Variants in SMG9 observed in about 807,000 individuals in gnomAD.
The protein encoded by SMG9 is SMG9 nonsense mediated mRNA decay factor, also known as nonsense-mediated mRNA decay factor SMG9.
A neutral mutation model predicts 64.0 loss-of-function variants in SMG9; 55 were observed. The ratio of observed to expected loss-of-function variants is 0.86; its 90% CI spans 0.69 to 1.08. The LOEUF is 1.08. SMG9 is among the 50% of genes least tolerant of loss of function. The pLI is 0.00. For missense variants in SMG9, 554 were observed against 681.3 expected (o/e 0.81, Z 2.08); for synonymous variants, 244 against 254.8 (o/e 0.96, Z 0.41).
intron 7 of SMG9, 119 bp downstream of exon 7, chr19:43,739,988 T>C: frequency 1.3e-6 from 1 of 761,420 alleles, no homozygotes; most frequent in South Asian, 1.5e-5. Flanking sequence ...GCAGCCAGTA[T>C]GTCCATGGCT....
rs372135078 is a variant in SMG9 at position 43,748,019 on chromosome 19, G to A, written c.184C>T (p.Gln62Ter). 1.9e-6 allele frequency: 3 copies of A among 1,613,064 alleles called. No individual in the cohort carries two copies. The highest frequency in any genetic ancestry group is 1.3e-5 in the African/African-American group (1 of 74,882). ...ASEETSTSVM[Q>*]KTPIILSKPP... ...TTTGAGAGGATGATGGGGGTTTTCT[G>A]CATGACGGAAGTGCTTGTCTCTTCG... The change falls in exon 3 of 14, where the codon CAG (glutamine) becomes TAG (stop). Residue 62 changes from glutamine to a stop codon, truncating the protein, a stop_gained. Transcript: ENST00000270066. LOFTEE classifies it high-confidence loss of function.
In SMG9 at chr19:43,731,428, T is replaced by C; in HGVS notation, c.*168A>G. ...CCCCCGGAACAGCCCCAACTGAGGG[T>C]GGGGGGCCTGGCCCTGGACACCTCA... On this transcript the variant is annotated 3_prime_UTR_variant, in exon 14 of 14. Transcript: ENST00000270066. 1 of 1,432,218 alleles carries C rather than the reference T, an allele frequency of 7.0e-7. No individual in the cohort carries two copies. The highest frequency in any genetic ancestry group is 9.2e-7 in the Non-Finnish European group (1 of 1,091,230). The allele number at this position is 1,432,218 out of a possible 1,614,324, so 88.7% of individuals were successfully genotyped here. A position where few individuals can be genotyped will look rare whatever the true frequency, so the allele number is the denominator to read the frequency against.
At chr19:43,742,894 C>T (rs538955451) in intron 6 of SMG9, among the ~76,000 whole-genome samples, 1 of 152,086 alleles carries the variant, frequency 6.6e-6, no homozygotes, top group South Asian at 2.1e-4. Context: ...TCAAGACCAG[C>T]CTGGTAAACA....
intron 1 of SMG9, 82 bp downstream of exon 1, chr19:43,754,572 G>A (rs2146421978): frequency 6.6e-6 from 1 of 152,220 alleles, no homozygotes; most frequent in Middle Eastern, 3.4e-3. Flanking sequence ...ACCTTTCAAT[G>A]GCCAAGGCGG....
chr19:43,742,265 T>C (rs147440558), intron 6 of SMG9, among the ~76,000 whole-genome samples: 18 of 152,158 alleles, frequency 1.2e-4, no homozygotes, highest in African/African-American at 4.3e-4. Context: ...AGTGAGATCC[T>C]GTCTCTACAA....
chr19:43,735,833 G>A (rs1234084611), intron 9 of SMG9, among the ~76,000 whole-genome samples: 1 of 152,184 alleles, frequency 6.6e-6, no homozygotes, highest in Non-Finnish European at 1.5e-5. Context: ...AAGCCCACCT[G>A]TAGACAAGAC....
In SMG9 at chr19:43,730,505, T is replaced by C. The variant is rs901440465; in HGVS notation, c.*1091A>G. On this transcript the variant is annotated 3_prime_UTR_variant, in exon 14 of 14. Transcript: ENST00000270066. Reference sequence around the variant, plus strand: ...GTACGGGTGAGGCATGGTATTTGGATTAAGGGTAAGTACTTACTACATTTA... The same window carrying C: ...GTACGGGTGAGGCATGGTATTTGGACTAAGGGTAAGTACTTACTACATTTA... The C allele has an allele frequency of 1.3e-5, 2 of 151,954 alleles. No individual in the cohort carries two copies. Among genetic ancestry groups the C allele is most frequent in the Non-Finnish European group, 2.9e-5 (2 of 68,012 alleles). The allele number at this position is 151,954 out of a possible 1,614,324, so 9.4% of individuals were successfully genotyped here. A position where few individuals can be genotyped will look rare whatever the true frequency, so the allele number is the denominator to read the frequency against.
intron 1 of SMG9, among the ~76,000 whole-genome samples, chr19:43,753,458 CTTTT>C (rs745479932): frequency 2.6e-4 from 31 of 118,592 alleles, no homozygotes; most frequent in African/African-American, 5.3e-4. Context: ...GAATGCTTTT[CTTTT>C]TTTTTTTTTT....
At position 43,747,758 on chromosome 19, in the gene SMG9, G is replaced by T; in HGVS notation, c.365C>A (p.Thr122Asn). 6.2e-7 allele frequency: 1 copy of T among 1,609,234 alleles called. No homozygotes were observed. The highest frequency in any genetic ancestry group is 1.3e-5 in the African/African-American group (1 of 75,026). Residue 122 changes from threonine (T) to asparagine (N), a missense_variant, in exon 4 of 14, where the codon ACC becomes AAC. Thr to Asn is a moderately conservative substitution (Grantham distance 65). Transcript: ENST00000270066. Reference sequence around the variant, plus strand: ...AGGGGCTGCAGGGGGTGGTGGGGCGGTGCCCTCAGGGGTAGAGGCACCTGT... The same window carrying T: ...AGGGGCTGCAGGGGGTGGTGGGGCGTTGCCCTCAGGGGTAGAGGCACCTGT... The part of the protein sequence containing the change: ...AVTGASTPEG[T>N]APPPPAAPAP...
In SMG9 at chr19:43,744,772, C is replaced by T. The variant is rs761201735; in HGVS notation, c.701G>A (p.Arg234Lys). Residue 234 changes from arginine to lysine, a missense_variant and splice_region_variant, in exon 6 of 14, where the codon AGG becomes AAG. Physicochemically the swap from Arg to Lys is conservative, Grantham distance 26. Coordinates refer to ENST00000270066, the MANE Select transcript of SMG9 (RefSeq NM_019108.4). ...TGCACCCTATCTGATAGCCCCTCAC[C>T]TCTGGTCCTCCTCTGGAGTGTTGGC... ...LSANTPEEDQ[R>K]TYVFRAQSAE... is the part of the protein sequence containing the mutation. The T allele has an allele frequency of 1.2e-6, 2 of 1,612,498 alleles. No individual in the cohort carries two copies. Among genetic ancestry groups the T allele is most frequent in the East Asian group, 2.2e-5 (1 of 44,810 alleles).
At chr19:43,749,071 G>A (rs983542343) in intron 2 of SMG9, among the ~76,000 whole-genome samples, 1 of 152,196 alleles carries the variant, frequency 6.6e-6, no homozygotes, top group Non-Finnish European at 1.5e-5. Context: ...CATTTGCAAG[G>A]CTCCAATAAA....
chr19:43,734,782 C>T (rs1490200290), intron 9 of SMG9: 3 of 284,128 alleles, frequency 1.1e-5, no homozygotes, highest in Non-Finnish European at 2.0e-5. Flanking sequence ...GCAGAAAGCA[C>T]GTAGCGTTCC....
At chr19:43,749,447 G>A (rs1389883917) in intron 2 of SMG9, among the ~76,000 whole-genome samples, 1 of 152,192 alleles carries the variant, frequency 6.6e-6, no homozygotes, top group Non-Finnish European at 1.5e-5. Context: ...TTTAGGAGGT[G>A]CTTGTTCAAG....
intron 7 of SMG9, among the ~76,000 whole-genome samples, chr19:43,738,808 T>C (rs1968755084): frequency 6.6e-6 from 1 of 152,242 alleles, no homozygotes; most frequent in Non-Finnish European, 1.5e-5. Context: ...CAGTGCTCTA[T>C]TCTGTCTTGT....
chr19:43,743,770 T>G (rs779224338), intron 6 of SMG9, among the ~76,000 whole-genome samples: 2 of 152,218 alleles, frequency 1.3e-5, no homozygotes, highest in Non-Finnish European at 2.9e-5. Flanking sequence ...CACTTGAGCC[T>G]GGGTGAAAGA....
chr19:43,745,127 A>C (rs1968960962), intron 5 of SMG9, among the ~76,000 whole-genome samples: 1 of 152,254 alleles, frequency 6.6e-6, no homozygotes, highest in Admixed American at 6.5e-5. Flanking sequence ...AAAAGAGCCT[A>C]GCATGGTCAA....
chr19:43,753,872 G>A lies in SMG9; in HGVS notation c.-7+782C>T, dbSNP rs187870654. ...GGAGGATACAGTGAGCCGAGATCGT[G>A]CCACTGCACTCCAGCCTGGGCGACA... On this transcript the variant is annotated intron_variant, in intron 1 of 13. Transcript: ENST00000270066. Among the ~76,000 whole-genome samples, 1,084 of 149,192 alleles carry A rather than the reference G, an allele frequency of 7.3e-3. 9 individuals carry two copies. The highest frequency in any genetic ancestry group is 0.012 in the Non-Finnish European group (793 of 67,358).
chr19:43,737,451 G>A, intron 9 of SMG9, 146 bp downstream of exon 9: 1 of 625,002 alleles, frequency 1.6e-6, no homozygotes. Flanking sequence ...GCTTTGAGGG[G>A]GAGGTTAGAT....
rs112295295 is a variant in SMG9, at chr19:43,733,556, G to T, written c.1210+70C>A. 9,324 of 1,606,344 alleles carry T rather than the reference G, an allele frequency of 5.8e-3. 368 individuals carry two copies. In the African/African-American group the frequency reaches 0.097, roughly 17 times the overall value. On this transcript the variant is annotated intron_variant, in intron 11 of 13. Transcript: ENST00000270066. Reference sequence around the variant, plus strand: ...ATCAGGAGACTAGTCTGGGGGTAGAGACTGACCCACGGGGTTGGATCAGGA... The same window carrying T: ...ATCAGGAGACTAGTCTGGGGGTAGATACTGACCCACGGGGTTGGATCAGGA...
Sources: gnomAD v4.1 joint callset for allele counts (sites outside exome capture counted in the v4.1 genomes callset) on GRCh38, gnomAD v4.1.1 for gene constraint, MANE v1.5 for transcripts, NCBI Gene and HGNC (gene_info 2026-07-23, HGNC 2026-07-21) for gene names.